Variants in VWA8 observed in about 807,000 individuals in gnomAD.
VWA8 encodes von Willebrand factor A domain containing 8, also known as von Willebrand factor A domain-containing protein 8.
Under a neutral mutation model 241.5 loss-of-function variants are expected in VWA8, and 221 were observed. The observed-to-expected ratio is 0.91, with a 90% CI of 0.82 to 1.02. The LOEUF is 1.02. VWA8 is among the 50% of genes least tolerant of loss of function. The probability of loss-of-function intolerance (pLI) is 0.00; values close to 1 mark genes in which losing one functional copy is unlikely to be tolerated. For synonymous variants in VWA8, 852 were observed against 827.1 expected (o/e 1.03, Z -0.52); for missense variants, 2,322 against 2,328.7 (o/e 1.00, Z 0.06).
chr13:41,646,398 T>C (rs761509212), intron 37 of VWA8, among the ~76,000 whole-genome samples: 6 of 152,232 alleles, frequency 3.9e-5, no homozygotes, highest in Non-Finnish European at 8.8e-5. Flanking sequence ...GTTTACAGTC[T>C]AGGCATTTTA....
chr13:41,627,394 G>A (rs948154838), intron 37 of VWA8, among the ~76,000 whole-genome samples: 3 of 152,020 alleles, frequency 2.0e-5, no homozygotes, highest in Admixed American at 2.0e-4. Flanking sequence ...CAATAACTTG[G>A]ACACCCTCCA....
chr13:41,929,783 A>G (rs911147814), intron 2 of VWA8, among the ~76,000 whole-genome samples: 2 of 152,178 alleles, frequency 1.3e-5, no homozygotes, highest in East Asian at 3.8e-4. Context: ...CTGAAATATA[A>G]AATTCCTAGG....
chr13:41,587,266 T>C (rs2044424679), intron 42 of VWA8, among the ~76,000 whole-genome samples: 1 of 152,214 alleles, frequency 6.6e-6, no homozygotes, highest in Admixed American at 6.5e-5. Flanking sequence ...AGACTTTTGC[T>C]TCTAAGCAGC....
At position 41,863,431 on chromosome 13, in the gene VWA8, G is replaced by GAA. The variant is rs1566485424; in HGVS notation, c.1425+2304_1425+2305insTT. 4.0e-4 allele frequency among the ~76,000 whole-genome samples: 29 copies of GAA among 73,330 alleles called. 2 individuals are homozygous for GAA. The highest frequency in any genetic ancestry group is 3.2e-3 in the Admixed American group (22 of 6,906). 48.1% of individuals were successfully genotyped at this position (73,330 alleles called of 152,430 possible). The stretch of plus-strand genomic sequence containing the variant: ...TGTGTGTGTGTGTGTGTGTGTGTGT[G>GAA]TGTATATATATATATATATATATTC... On this transcript the variant is annotated intron_variant, in intron 12 of 44. Coordinates refer to ENST00000379310, the MANE Select transcript of VWA8 (RefSeq NM_015058.2).
chr13:41,580,633 C>T (rs1167830115), intron 42 of VWA8, among the ~76,000 whole-genome samples: 2 of 152,148 alleles, frequency 1.3e-5, no homozygotes, highest in Non-Finnish European at 2.9e-5. Context: ...AAATGATACA[C>T]TTGCTCCTGA....
rs1555303590 is a variant in VWA8 at position 41,573,486 on chromosome 13, A to AAT, written c.5370+2252_5370+2253dup. The stretch of plus-strand genomic sequence containing the variant: ...GGTGGCTATAGTTTAAAAAAAAAAA[A>AAT]ATATATATATATATATATATACCTC... On this transcript the variant is annotated intron_variant, in intron 43 of 44. Coordinates refer to ENST00000379310, the MANE Select transcript of VWA8 (RefSeq NM_015058.2). 4.6e-3 allele frequency among the ~76,000 whole-genome samples: 526 copies of AAT among 113,560 alleles called. 9 individuals carry two copies. Among genetic ancestry groups the AAT allele is most frequent in the South Asian group, 0.03 (96 of 3,214 alleles). The allele number at this position is 113,560 out of a possible 152,430, so 74.5% of individuals were successfully genotyped here. A position where few individuals can be genotyped will look rare whatever the true frequency, so the allele number is the denominator to read the frequency against.
intron 19 of VWA8, among the ~76,000 whole-genome samples, chr13:41,779,289 C>A (rs945413705): frequency 4.0e-5 from 6 of 149,188 alleles, no homozygotes; most frequent in African/African-American, 1.5e-4. Context: ...AGAAATTTTT[C>A]TTTTTACTTG....
intron 26 of VWA8, among the ~76,000 whole-genome samples, chr13:41,719,088 GA>G (rs1047017277): frequency 2.0e-5 from 3 of 151,952 alleles, no homozygotes; most frequent in Admixed American, 6.6e-5. Context: ...TAGCTCACAT[GA>G]AATAAACCCA....
chr13:41,921,904 T>C (rs1453030772), intron 2 of VWA8, among the ~76,000 whole-genome samples: 2 of 152,192 alleles, frequency 1.3e-5, no homozygotes, highest in Non-Finnish European at 2.9e-5. Context: ...AAGCTACCAA[T>C]GACTTTCTTC....
chr13:41,866,053 GTCAATATAA>G lies in VWA8; in HGVS notation c.1213-26_1213-18del. 1 of 1,612,524 alleles carries G rather than the reference GTCAATATAA, an allele frequency of 6.2e-7. No homozygotes were observed. Among genetic ancestry groups the G allele is most frequent in the Non-Finnish European group, 8.5e-7 (1 of 1,178,880 alleles). ...GGCTGGCACCTATAATTAAAGAGAG[GTCAATATAA>G]CATGGCCAGATGTGGTGGCTCACGC... is the stretch of plus-strand genomic sequence containing the variant. On this transcript the variant is annotated intron_variant, in intron 10 of 44. Coordinates refer to ENST00000379310, the MANE Select transcript of VWA8 (RefSeq NM_015058.2).
chr13:41,931,148 CA>C (rs1338711036), intron 2 of VWA8, among the ~76,000 whole-genome samples: 2 of 130,864 alleles, frequency 1.5e-5, no homozygotes, highest in East Asian at 2.1e-4. Context: ...GACTCCGTCT[CA>C]GGGGAAAAAA....
intron 14 of VWA8, among the ~76,000 whole-genome samples, chr13:41,826,633 G>T (rs1871177676): frequency 6.6e-6 from 1 of 152,128 alleles, no homozygotes; most frequent in Non-Finnish European, 1.5e-5. Flanking sequence ...ACTTTGGGAG[G>T]CCAAGGCAGG....
intron 21 of VWA8, among the ~76,000 whole-genome samples, chr13:41,749,357 T>C (rs61964894): frequency 5.9e-5 from 9 of 152,002 alleles, no homozygotes; most frequent in Non-Finnish European, 4.4e-5. Context: ...CAGGAAACAA[T>C]AGGGGCTGGA....
intron 21 of VWA8, among the ~76,000 whole-genome samples, chr13:41,748,146 T>C (rs1224438108): frequency 3.3e-5 from 5 of 152,232 alleles, no homozygotes; most frequent in Non-Finnish European, 5.9e-5. Context: ...TCTTTTTCTA[T>C]TGATTGGAAT....
At chr13:41,942,086 C>T (rs913598605) in intron 2 of VWA8, among the ~76,000 whole-genome samples, 4 of 152,122 alleles carry the variant, frequency 2.6e-5, no homozygotes, top group African/African-American at 7.2e-5. Context: ...TTATCATGTG[C>T]CCATGGCATG....
intron 4 of VWA8, among the ~76,000 whole-genome samples, chr13:41,904,046 C>A (rs928297970): frequency 1.3e-5 from 2 of 152,194 alleles, no homozygotes; most frequent in Non-Finnish European, 2.9e-5. Flanking sequence ...GTGTAAAATG[C>A]TGCCAAGGTA....
chr13:41,848,059 G>T lies in VWA8; in HGVS notation c.1426-14528C>A, dbSNP rs140022341. Among the ~76,000 whole-genome samples the T allele has an allele frequency of 5.4e-3, 818 of 152,216 alleles. 5 individuals carry two copies. Among genetic ancestry groups the T allele is most frequent in the South Asian group, 0.035 (167 of 4,820 alleles). On this transcript the variant is annotated intron_variant, in intron 12 of 44. Coordinates refer to ENST00000379310, the MANE Select transcript of VWA8 (RefSeq NM_015058.2). The stretch of plus-strand genomic sequence containing the variant: ...GTAGATCCTGCAAAAAACAAATGAT[G>T]GAATATTGACAACTGGCTATGAGGG...
chr13:41,886,892 T>A (rs998698681), intron 6 of VWA8, 62 bp from the exon 7 acceptor site: 1 of 1,315,980 alleles, frequency 7.6e-7, no homozygotes, highest in African/African-American at 1.5e-5. Context: ...TAAATGCAAA[T>A]GTTTTGTAGA....
Position 41,692,842 on chromosome 13 carries a change from A to G in VWA8, c.3675+20T>C. 6.3e-7 allele frequency: 1 copy of G among 1,582,828 alleles called. No homozygotes were observed. The highest frequency in any genetic ancestry group is 8.7e-7 in the Non-Finnish European group (1 of 1,154,102). ...ATAGAAATCCTTGGCAATTTGTGGGACAAATGTGGTGTTTCTTACAGCTTC... is the reference window on the plus strand; with the variant it reads ...ATAGAAATCCTTGGCAATTTGTGGGGCAAATGTGGTGTTTCTTACAGCTTC... On this transcript the variant is annotated intron_variant, in intron 30 of 44. Coordinates refer to ENST00000379310, the MANE Select transcript of VWA8 (RefSeq NM_015058.2).
Sources: gnomAD v4.1 joint callset for allele counts (sites outside exome capture counted in the v4.1 genomes callset) on GRCh38, gnomAD v4.1.1 for gene constraint, MANE v1.5 for transcripts, NCBI Gene and HGNC (gene_info 2026-07-23, HGNC 2026-07-21) for gene names.